The following DTNA variants were observed in gnomAD, a reference collection of about 807,000 sequenced individuals.
DTNA encodes dystrobrevin alpha, also known as dystrophin-related protein 3.
Under a neutral mutation model 100.7 loss-of-function variants are expected in DTNA, and 43 were observed. The observed-to-expected ratio is 0.43, with a 90% CI of 0.33 to 0.55. DTNA has a LOEUF of 0.55. DTNA is among the 20% of genes least tolerant of loss of function. The pLI is 0.04. For synonymous variants in DTNA, 349 were observed against 347.9 expected (o/e 1.00, Z -0.04); for missense variants, 798 against 953.9 (o/e 0.84, Z 2.15).
At chr18:34,584,036 C>T (rs1254087818) in intron 1 of DTNA, among the ~76,000 whole-genome samples, 2 of 152,102 alleles carry the variant, frequency 1.3e-5, no homozygotes, top group African/African-American at 4.8e-5. Context: ...CTCTACTTTC[C>T]CTTCAAGCCT....
At chr18:34,769,314 AAGTT>A (rs1157251633) in intron 3 of DTNA, among the ~76,000 whole-genome samples, 11 of 152,194 alleles carry the variant, frequency 7.2e-5, no homozygotes, top group South Asian at 2.1e-4. Context: ...TCCTTCTAGA[AAGTT>A]AGCCAACCAG....
intron 9 of DTNA, among the ~76,000 whole-genome samples, chr18:34,824,267 A>G (rs1441981035): frequency 6.6e-6 from 1 of 152,112 alleles, no homozygotes; most frequent in Non-Finnish European, 1.5e-5. Context: ...CGAGGTCAGG[A>G]GATCGAGACC....
intron 20 of DTNA, among the ~76,000 whole-genome samples, chr18:34,881,677 C>G (rs1326546624): frequency 6.6e-6 from 1 of 152,040 alleles, no homozygotes; most frequent in East Asian, 1.9e-4. Flanking sequence ...ACTCTCCACA[C>G]AGAAAGTGAT....
At chr18:34,541,615 T>A (rs1239423093) in intron 1 of DTNA, among the ~76,000 whole-genome samples, 1 of 152,104 alleles carries the variant, frequency 6.6e-6, no homozygotes, top group Non-Finnish European at 1.5e-5. Flanking sequence ...ATTAAACCAC[T>A]TTCCTTTATA....
intron 1 of DTNA, among the ~76,000 whole-genome samples, chr18:34,657,451 AGAAACAAT>A (rs2074553566): frequency 6.6e-6 from 1 of 152,238 alleles, no homozygotes; most frequent in Non-Finnish European, 1.5e-5. Flanking sequence ...GAAAGAGTTA[AGAAACAAT>A]TTCCTTTGAG....
rs546741087 is a variant in DTNA at position 34,820,643 on chromosome 18, C to T, written c.877-148C>T. The T allele has an allele frequency of 1.5e-5, 20 of 1,307,142 alleles. No homozygotes were observed. The African/African-American group carries it at 1.8e-4, about 12-fold the overall frequency. 81.0% of individuals were successfully genotyped at this position (1,307,142 alleles called of 1,614,324 possible). The stretch of plus-strand genomic sequence containing the variant: ...GGCAGCTTGTTCGGAAACTCTTTTC[C>T]GAGCATTGAGCAAACTTCCAGACTC... On this transcript the variant is annotated intron_variant, in intron 8 of 22. Transcript: ENST00000444659.
At chr18:34,828,129 A>G (rs939757305) in intron 10 of DTNA, among the ~76,000 whole-genome samples, 6 of 152,208 alleles carry the variant, frequency 3.9e-5, no homozygotes, top group Non-Finnish European at 7.3e-5. Context: ...AGGCTAGAGG[A>G]TAAAGACCAA....
chr18:34,725,445 A>T (rs955739317), intron 1 of DTNA, among the ~76,000 whole-genome samples: 1 of 152,056 alleles, frequency 6.6e-6, no homozygotes, highest in Admixed American at 6.6e-5. Context: ...AAGGATATGA[A>T]CAGACACTTC....
At position 34,884,640 on chromosome 18, in the gene DTNA, A is replaced by G. The variant is rs2096905508; in HGVS notation, c.2296-88A>G. On this transcript the variant is annotated intron_variant, in intron 21 of 22. Coordinates refer to ENST00000444659, the MANE Select transcript of DTNA (RefSeq NM_001386795.1). ...TCTCTCTCTCTCTGTGTCTTTGTGC[A>G]TGGCTTCCCGCCAAATAATTCACCA... 6 of 1,423,398 alleles carry G rather than the reference A, an allele frequency of 4.2e-6. No homozygotes were observed. The Admixed American group carries it at 5.0e-5, about 12-fold the overall frequency. 88.2% of individuals were successfully genotyped at this position (1,423,398 alleles called of 1,614,324 possible).
chr18:34,658,664 C>T (rs1249077884), intron 1 of DTNA, among the ~76,000 whole-genome samples: 1 of 152,126 alleles, frequency 6.6e-6, no homozygotes, highest in Non-Finnish European at 1.5e-5. Context: ...TTATCAAAAT[C>T]CTTATTAAGT....
intron 1 of DTNA, among the ~76,000 whole-genome samples, chr18:34,630,933 G>A (rs1042004319): frequency 2.0e-5 from 3 of 152,120 alleles, no homozygotes; most frequent in Admixed American, 1.3e-4. Context: ...AAACTACCCA[G>A]GGAGAGTGTG....
At chr18:34,765,730 T>C (rs559430437) in intron 2 of DTNA, among the ~76,000 whole-genome samples, 1 of 152,316 alleles carries the variant, frequency 6.6e-6, no homozygotes, top group Non-Finnish European at 1.5e-5. Flanking sequence ...AAGAATATGG[T>C]TTACAACCTA....
intron 1 of DTNA, among the ~76,000 whole-genome samples, chr18:34,494,693 A>G (rs1250467359): frequency 6.6e-6 from 1 of 152,030 alleles, no homozygotes; most frequent in Non-Finnish European, 1.5e-5. Context: ...AGGCGCAAAT[A>G]TTGGATGTGC....
At chr18:34,568,422 C>T (rs1475302337) in intron 1 of DTNA, among the ~76,000 whole-genome samples, 1 of 152,072 alleles carries the variant, frequency 6.6e-6, no homozygotes, top group African/African-American at 2.4e-5. Flanking sequence ...CCTGGCACTT[C>T]TGTTCAGGGT....
chr18:34,743,907 C>T (rs2091146328), intron 1 of DTNA, among the ~76,000 whole-genome samples: 2 of 151,914 alleles, frequency 1.3e-5, no homozygotes, highest in African/African-American at 4.8e-5. Context: ...TAGCCCTCAT[C>T]TGCCGTTGAC....
intron 1 of DTNA, among the ~76,000 whole-genome samples, chr18:34,618,197 T>C (rs889364736): frequency 1.3e-5 from 2 of 152,126 alleles, no homozygotes; most frequent in Non-Finnish European, 2.9e-5. Context: ...CCAGTTCTGT[T>C]GTGTTAGATC....
chr18:34,766,116 C>G, intron 3 of DTNA, 75 bp downstream of exon 3: 2 of 1,485,896 alleles, frequency 1.3e-6, no homozygotes, highest in Admixed American at 1.8e-5. Flanking sequence ...GTTTATTAAA[C>G]TAGATTCTGT....
chr18:34,723,639 C>A (rs1026831657), intron 1 of DTNA, among the ~76,000 whole-genome samples: 4 of 152,280 alleles, frequency 2.6e-5, no homozygotes, highest in Admixed American at 2.6e-4. Context: ...TGGCTCAGGC[C>A]TGTAATCCTA....
At chr18:34,617,924 C>A (rs1005566195) in intron 1 of DTNA, among the ~76,000 whole-genome samples, 4 of 152,142 alleles carry the variant, frequency 2.6e-5, no homozygotes, top group Non-Finnish European at 5.9e-5. Context: ...CCCATGATAT[C>A]TCTGAGGTAT....
Sources: allele counts gnomAD v4.1 joint callset (sites outside exome capture counted in the v4.1 genomes callset), GRCh38; gene constraint gnomAD v4.1.1; transcripts MANE v1.5; gene names NCBI Gene and HGNC (gene_info 2026-07-23, HGNC 2026-07-21).